Variants in RBMS3 observed in about 807,000 individuals in gnomAD.
The protein encoded by RBMS3 is RNA binding motif single stranded interacting protein 3.
In RBMS3, 27 loss-of-function variants were observed where a neutral mutation model predicts 66.8. The ratio of observed to expected loss-of-function variants is 0.40; its 90% CI spans 0.30 to 0.56. RBMS3 has a LOEUF of 0.56. RBMS3 is among the 20% of genes least tolerant of loss of function. RBMS3 has a pLI of 0.40. For synonymous variants in RBMS3, 188 were observed against 183.0 expected, an observed-to-expected ratio of 1.03 and a Z score of -0.22; for missense variants, 513 against 549.5, an observed-to-expected ratio of 0.93 and a Z score of 0.66.
chr3:29,532,271 T>C (rs1337165400), intron 3 of RBMS3, among the ~76,000 whole-genome samples: 4 of 139,386 alleles, frequency 2.9e-5, no homozygotes, highest in Non-Finnish European at 6.2e-5. Flanking sequence ...TGTATATATA[T>C]ATATATATAT....
intron 1 of RBMS3, among the ~76,000 whole-genome samples, chr3:29,349,357 A>G (rs1025439002): frequency 6.6e-6 from 1 of 152,188 alleles, no homozygotes; most frequent in African/African-American, 2.4e-5. Flanking sequence ...AAGTCTGAGA[A>G]TGCAGGTCAA....
In RBMS3 at chr3:29,868,928, T is replaced by A. The variant is rs1487819425; in HGVS notation, c.708T>A (p.Tyr236Ter). Residue 236 changes from tyrosine to a stop codon, truncating the protein, a stop_gained, in exon 7 of 15, where the codon TAT becomes TAA. Transcript: ENST00000383767. LOFTEE classifies it high-confidence loss of function. ...AGAAGCGACAGAATCAAAGCAAATA[T>A]ACCCAGAATGGGAGGCCTTGGCCCA... ...GQKKRQNQSK[Y>*]TQNGRPWPRE... 1.2e-6 allele frequency: 2 copies of A among 1,602,998 alleles called. No individual in the cohort carries two copies. Among genetic ancestry groups the A allele is most frequent in the Admixed American group, 1.7e-5 (1 of 58,828 alleles).
intron 3 of RBMS3, among the ~76,000 whole-genome samples, chr3:29,533,963 C>T (rs1471900240): frequency 2.6e-5 from 4 of 152,136 alleles, no homozygotes; most frequent in Non-Finnish European, 4.4e-5. Context: ...TTAAGTGACT[C>T]CTAAATCCGC....
chr3:29,946,745 G>T (rs2149708423), intron 12 of RBMS3, among the ~76,000 whole-genome samples: 1 of 151,620 alleles, frequency 6.6e-6, no homozygotes, highest in African/African-American at 2.4e-5. Flanking sequence ...GATTTAAGAA[G>T]AACAGAGATT....
At chr3:29,447,142 A>G (rs1330529722) in intron 2 of RBMS3, among the ~76,000 whole-genome samples, 1 of 151,808 alleles carries the variant, frequency 6.6e-6, no homozygotes, top group Non-Finnish European at 1.5e-5. Context: ...CGAACTCCTG[A>G]CCTCAGGTAA....
intron 1 of RBMS3, among the ~76,000 whole-genome samples, chr3:29,382,580 C>G (rs934058385): frequency 6.6e-6 from 1 of 152,114 alleles, no homozygotes; most frequent in Non-Finnish European, 1.5e-5. Context: ...CTATGAGCAC[C>G]GAAGCACTGC....
At position 29,798,867 on chromosome 3, in the gene RBMS3, G is replaced by A. The variant is rs981446698; in HGVS notation, c.637+35878G>A. On this transcript the variant is annotated intron_variant, in intron 6 of 14. Transcript: ENST00000383767. ...TAATTCATGCATCATTTGGATCTTC[G>A]AGATCATTTTATACACCCAAGTTCT... Among the ~76,000 whole-genome samples the A allele has an allele frequency of 4.0e-5, 6 of 150,258 alleles. No individual in the cohort carries two copies. In the South Asian group the frequency reaches 8.4e-4, roughly 21 times the overall value.
chr3:29,821,682 G>A (rs889684223), intron 6 of RBMS3, among the ~76,000 whole-genome samples: 1 of 152,122 alleles, frequency 6.6e-6, no homozygotes, highest in Non-Finnish European at 1.5e-5. Context: ...AAAGTACAAC[G>A]AATAATTCCA....
At chr3:29,686,065 C>T (rs927324266) in intron 4 of RBMS3, among the ~76,000 whole-genome samples, 6 of 152,280 alleles carry the variant, frequency 3.9e-5, no homozygotes, top group African/African-American at 1.4e-4. Context: ...GCACTTTTGA[C>T]CTTAGACAGG....
At chr3:29,713,494 G>A (rs958233446) in intron 4 of RBMS3, among the ~76,000 whole-genome samples, 3 of 152,060 alleles carry the variant, frequency 2.0e-5, no homozygotes, top group African/African-American at 7.3e-5. Context: ...TACATCCTGT[G>A]CTGGCTCCAT....
At chr3:29,480,325 A>G (rs538166067) in intron 2 of RBMS3, among the ~76,000 whole-genome samples, 34 of 152,346 alleles carry the variant, frequency 2.2e-4, no homozygotes, top group Admixed American at 1.0e-3. Context: ...TCCAATGCAC[A>G]TTACATTTTG....
At chr3:29,908,632 G>C (rs1024074159) in intron 10 of RBMS3, among the ~76,000 whole-genome samples, 1 of 152,000 alleles carries the variant, frequency 6.6e-6, no homozygotes, top group Admixed American at 6.6e-5. Flanking sequence ...GCTTGATTCA[G>C]TCTTTCTTTC....
At chr3:29,365,127 T>C (rs577230448) in intron 1 of RBMS3, among the ~76,000 whole-genome samples, 8 of 152,264 alleles carry the variant, frequency 5.3e-5, no homozygotes, top group African/African-American at 1.7e-4. Flanking sequence ...TATTCAATAG[T>C]ACCTATTTAT....
rs558424024 is a variant in RBMS3 at position 29,897,964 on chromosome 3, A to G, written c.888+489A>G. On this transcript the variant is annotated intron_variant, in intron 9 of 14. Transcript: ENST00000383767. ...ACAGAAGAAATTATCAAAGTGGTAA[A>G]AAGTTGTTCGTATTCCCTGCTCTTA... Among the ~76,000 whole-genome samples, 3 of 151,786 alleles carry G rather than the reference A, an allele frequency of 2.0e-5. No homozygotes were observed. The East Asian group carries it at 5.8e-4, about 30-fold the overall frequency.
At chr3:29,646,661 A>AT (rs1415405955) in intron 4 of RBMS3, among the ~76,000 whole-genome samples, 8 of 145,720 alleles carry the variant, frequency 5.5e-5, no homozygotes, top group Non-Finnish European at 7.5e-5. Flanking sequence ...CCAAAGGCTC[A>AT]TTTTTTCTCC....
At chr3:29,339,765 T>G (rs538359809) in intron 1 of RBMS3, among the ~76,000 whole-genome samples, 80 of 152,074 alleles carry the variant, frequency 5.3e-4, no homozygotes, top group Non-Finnish European at 8.7e-4. Flanking sequence ...TTTAATAGAG[T>G]AAAAAATTTG....
chr3:29,497,679 A>G (rs975865681), intron 3 of RBMS3, among the ~76,000 whole-genome samples: 2 of 152,096 alleles, frequency 1.3e-5, no homozygotes, highest in Non-Finnish European at 2.9e-5. Flanking sequence ...ATCTAAGGAT[A>G]CCCCATCTCT....
intron 4 of RBMS3, among the ~76,000 whole-genome samples, chr3:29,676,647 C>G (rs568555290): frequency 6.6e-6 from 1 of 152,088 alleles, no homozygotes; most frequent in Admixed American, 6.6e-5. Context: ...CTGTGCAATC[C>G]TTAAATTCTC....
chr3:29,935,637 T>C (rs1329569515), intron 10 of RBMS3, among the ~76,000 whole-genome samples: 3 of 152,130 alleles, frequency 2.0e-5, no homozygotes, highest in Admixed American at 1.3e-4. Context: ...TAGTGGTAGA[T>C]TGTATTGGGG....
Sources: gnomAD v4.1 joint callset for allele counts (sites outside exome capture counted in the v4.1 genomes callset) on GRCh38, gnomAD v4.1.1 for gene constraint, MANE v1.5 for transcripts, NCBI Gene and HGNC (gene_info 2026-07-23, HGNC 2026-07-21) for gene names.